FRMPD4: variants seen among roughly 807,000 people sequenced by gnomAD.
The protein encoded by FRMPD4 is FERM and PDZ domain containing 4.
FRMPD4 carries 22 observed loss-of-function variants against 94.1 expected under a neutral mutation model. The observed-to-expected ratio is 0.23, with a 90% CI of 0.17 to 0.33. The LOEUF (loss-of-function observed/expected upper bound fraction) is 0.33. Among genes scored for constraint, FRMPD4 ranks in the 10% least tolerant of loss-of-function variants. FRMPD4 has a pLI of 1.00. For missense variants in FRMPD4, 1,111 were observed against 1,339.9 expected, an observed-to-expected ratio of 0.83 and a Z score of 2.67; for synonymous variants, 631 against 548.6, an observed-to-expected ratio of 1.15 and a Z score of -2.10.
At chrX:11,950,986 G>C (rs2054219057) in intron 3 of FRMPD4, among the ~76,000 whole-genome samples, 1 of 104,413 alleles carries the variant, frequency 9.6e-6, no homozygotes. Flanking sequence ...TTGAACCTGG[G>C]AGGCGGAGGT....
chrX:12,212,815 A>G (rs2056768549), intron 1 of FRMPD4, among the ~76,000 whole-genome samples: 1 of 111,744 alleles, frequency 8.9e-6, no homozygotes, highest in Non-Finnish European at 1.9e-5. Context: ...ATGCTATTCC[A>G]TTGAATTTTA....
At chrX:12,328,831 C>T (rs769873978) in intron 1 of FRMPD4, among the ~76,000 whole-genome samples, 8 of 111,620 alleles carry the variant, frequency 7.2e-5, no homozygotes, top group Middle Eastern at 4.7e-3. Context: ...CCCTGAAAGC[C>T]GGTATAGGGC....
intron 4 of FRMPD4, among the ~76,000 whole-genome samples, chrX:12,629,997 C>A (rs1436732609): frequency 2.7e-5 from 3 of 112,663 alleles, no homozygotes; most frequent in Non-Finnish European, 3.8e-5. Context: ...TGTAAACATA[C>A]CTAGACTCAG....
intron 1 of FRMPD4, among the ~76,000 whole-genome samples, chrX:12,364,725 T>C (rs1337433869): frequency 9.0e-6 from 1 of 111,445 alleles, no homozygotes; most frequent in Non-Finnish European, 1.9e-5. Context: ...CAAGATTATA[T>C]AGAAGCTAGA....
At chrX:11,852,963 G>A (rs917713837) in intron 1 of FRMPD4, among the ~76,000 whole-genome samples, 19 of 111,960 alleles carry the variant, frequency 1.7e-4, no homozygotes, top group African/African-American at 4.2e-4. Flanking sequence ...TCTCTTCATC[G>A]CCTTGTGGTA....
At chrX:12,636,319 A>G (rs1007404086) in intron 4 of FRMPD4, among the ~76,000 whole-genome samples, 3 of 111,012 alleles carry the variant, frequency 2.7e-5, no homozygotes, top group African/African-American at 9.8e-5. Flanking sequence ...TTTTTGTCCT[A>G]TAGCGATTTC....
At chrX:12,601,200 G>A (rs2059081762) in intron 2 of FRMPD4, among the ~76,000 whole-genome samples, 1 of 111,979 alleles carries the variant, frequency 8.9e-6, no homozygotes, top group Non-Finnish European at 1.9e-5. Context: ...AAATGCTCCT[G>A]ACAGTGTTGT....
At chrX:12,323,786 G>A (rs144157188) in intron 1 of FRMPD4, among the ~76,000 whole-genome samples, 1,403 of 111,614 alleles carry the variant, frequency 0.013, 23 homozygotes, top group African/African-American at 0.044. Context: ...GGCAACTGGA[G>A]TCCCTGAGTG....
intron 2 of FRMPD4, among the ~76,000 whole-genome samples, chrX:12,551,298 A>G (rs1161266537): frequency 9.0e-6 from 1 of 110,714 alleles, no homozygotes; most frequent in Non-Finnish European, 1.9e-5. Context: ...CTTCTCTCCT[A>G]CCTATACTAC....
chrX:12,443,599 G>C (rs1294489954), intron 1 of FRMPD4, among the ~76,000 whole-genome samples: 1 of 111,361 alleles, frequency 9.0e-6, no homozygotes, highest in Non-Finnish European at 1.9e-5. Flanking sequence ...CTAGCTTATG[G>C]GTTTTGTGTG....
chrX:12,443,008 T>G (rs759057434), intron 1 of FRMPD4, among the ~76,000 whole-genome samples: 118 of 111,842 alleles, frequency 1.1e-3, no homozygotes, highest in Non-Finnish European at 1.7e-3. Flanking sequence ...TGATTTTATT[T>G]GTTCGAAATA....
chrX:11,943,808 C>T (rs922619870), intron 3 of FRMPD4, among the ~76,000 whole-genome samples: 18 of 111,792 alleles, frequency 1.6e-4, no homozygotes. Flanking sequence ...AATCTAATTG[C>T]TTCTTAAACC....
chrX:12,135,844 C>T (rs372925251), upstream of FRMPD4, among the ~76,000 whole-genome samples: 21 of 112,076 alleles, frequency 1.9e-4, no homozygotes, highest in East Asian at 3.6e-3. Flanking sequence ...CAGAAGGAAG[C>T]ACTTTTTCAA....
intron 3 of FRMPD4, among the ~76,000 whole-genome samples, chrX:11,903,394 A>C (rs1317149077): frequency 8.9e-6 from 1 of 112,627 alleles, no homozygotes; most frequent in East Asian, 2.8e-4. Context: ...ATACAGTTTT[A>C]ATTCCTTGAG....
At chrX:12,147,345 C>G (rs761088444) in intron 1 of FRMPD4, among the ~76,000 whole-genome samples, 52 of 111,763 alleles carry the variant, frequency 4.7e-4, no homozygotes, top group Non-Finnish European at 8.3e-4. Flanking sequence ...AGGAGAATGC[C>G]TTTAAGGTAT....
At chrX:12,222,400 A>G (rs988714893) in intron 1 of FRMPD4, among the ~76,000 whole-genome samples, 6 of 112,271 alleles carry the variant, frequency 5.3e-5, no homozygotes, top group Admixed American at 3.8e-4. Flanking sequence ...GGCTATTTAT[A>G]TGCTAGTGGG....
intron 3 of FRMPD4, among the ~76,000 whole-genome samples, chrX:11,972,348 AGAG>A (rs1308305441): frequency 8.9e-6 from 1 of 111,860 alleles, no homozygotes; most frequent in Non-Finnish European, 1.9e-5. Flanking sequence ...ATGATATGCA[AGAG>A]GAGTACATCC....
At chrX:12,519,766 A>C (rs1231632777) in intron 2 of FRMPD4, among the ~76,000 whole-genome samples, 1 of 112,673 alleles carries the variant, frequency 8.9e-6, no homozygotes, top group African/African-American at 3.2e-5. Flanking sequence ...ACATTTCTTC[A>C]AAGATGATAA....
At chrX:12,654,591 G>C (rs1473807593) in intron 4 of FRMPD4, among the ~76,000 whole-genome samples, 2 of 111,950 alleles carry the variant, frequency 1.8e-5, no homozygotes, top group African/African-American at 6.5e-5. Flanking sequence ...ACACATAATA[G>C]AGAGTCATGA....
Sources: gnomAD v4.1 joint callset for allele counts (sites outside exome capture counted in the v4.1 genomes callset) on GRCh38, gnomAD v4.1.1 for gene constraint, MANE v1.5 for transcripts, NCBI Gene and HGNC (gene_info 2026-07-23, HGNC 2026-07-21) for gene names.